Variants in DRC8 observed in about 807,000 individuals in gnomAD.
DRC8 encodes the protein dynein regulatory complex subunit 8.
the DRC8 span, among the ~76,000 whole-genome samples, chr1:244,981,431 C>A: frequency 1.3e-5 from 2 of 152,158 alleles, no homozygotes; most frequent in African/African-American, 2.4e-5. Flanking sequence ...TTATAGAGCA[C>A]TTACTCTGAA....
chr1:245,060,735 T>C, the DRC8 span, among the ~76,000 whole-genome samples: 6 of 152,352 alleles, frequency 3.9e-5, no homozygotes, highest in African/African-American at 1.4e-4. Context: ...CTCAGGATAG[T>C]AAGTGAAGCA....
At chr1:245,052,208 G>A in the DRC8 span, among the ~76,000 whole-genome samples, 1 of 152,234 alleles carries the variant, frequency 6.6e-6, no homozygotes, top group Admixed American at 6.5e-5. Context: ...CAGATTTGAT[G>A]TTGGATGGGG....
the DRC8 span, among the ~76,000 whole-genome samples, chr1:245,018,260 A>G: frequency 6.7e-6 from 1 of 150,346 alleles, no homozygotes; most frequent in East Asian, 1.9e-4. Context: ...CAATGAAACC[A>G]TCCTTTCAGG....
chr1:245,000,510 G>GAATGTGTCTTCA, the DRC8 span, among the ~76,000 whole-genome samples: 3 of 151,968 alleles, frequency 2.0e-5, no homozygotes, highest in Non-Finnish European at 4.4e-5. Flanking sequence ...GGCCAGGCAC[G>GAATGTGTCTTCA]GTGGTTCAAG....
the DRC8 span, among the ~76,000 whole-genome samples, chr1:245,043,133 A>T: frequency 6.6e-6 from 1 of 152,218 alleles, no homozygotes; most frequent in Non-Finnish European, 1.5e-5. Flanking sequence ...CTACGTTGAC[A>T]AAAGAAATCG....
At chr1:245,104,964 C>A in the DRC8 span, among the ~76,000 whole-genome samples, 1 of 152,170 alleles carries the variant, frequency 6.6e-6, no homozygotes, top group African/African-American at 2.4e-5. Flanking sequence ...TCTTGTCTTT[C>A]ATTTGTTGAA....
the DRC8 span, among the ~76,000 whole-genome samples, chr1:244,997,920 C>A: frequency 6.6e-6 from 1 of 152,022 alleles, no homozygotes; most frequent in Non-Finnish European, 1.5e-5. Context: ...GTAGCTTATC[C>A]CTTGTTTATC....
At chr1:245,105,096 A>C in the DRC8 span, among the ~76,000 whole-genome samples, 1 of 152,188 alleles carries the variant, frequency 6.6e-6, no homozygotes, top group Non-Finnish European at 1.5e-5. Context: ...TTTTATATCT[A>C]GAGGCTCGAT....
At chr1:245,105,819 A>G in the DRC8 span, among the ~76,000 whole-genome samples, 1 of 152,194 alleles carries the variant, frequency 6.6e-6, no homozygotes, top group Admixed American at 6.5e-5. Flanking sequence ...GCTCACGCCC[A>G]TAATCCCAAC....
chr1:245,034,704 A>G, the DRC8 span, among the ~76,000 whole-genome samples: 3 of 151,882 alleles, frequency 2.0e-5, no homozygotes, highest in African/African-American at 7.2e-5. Context: ...ATATAAAGAA[A>G]AATGAAAGCA....
At chr1:245,106,031 C>G in the DRC8 span, among the ~76,000 whole-genome samples, 4,048 of 152,250 alleles carry the variant, frequency 0.027, 215 homozygotes, top group African/African-American at 0.091. Context: ...GTATTGCACT[C>G]CAGCCTGGAC....
At chr1:245,100,538 T>C in the DRC8 span, among the ~76,000 whole-genome samples, 11 of 152,198 alleles carry the variant, frequency 7.2e-5, no homozygotes, top group East Asian at 1.7e-3. Flanking sequence ...CTCAGCACTT[T>C]GAGAGGCTGA....
the DRC8 span, among the ~76,000 whole-genome samples, chr1:245,111,218 T>C: frequency 1.1e-3 from 173 of 152,296 alleles, no homozygotes; most frequent in Non-Finnish European, 1.9e-3. Context: ...GACCTCCTCC[T>C]CCTTTCTTCA....
At chr1:245,063,655 A>G in the DRC8 span, among the ~76,000 whole-genome samples, 1 of 152,166 alleles carries the variant, frequency 6.6e-6, no homozygotes, top group East Asian at 1.9e-4. Context: ...AGGTGAGAGG[A>G]TTGCTTGAGC....
At chr1:245,088,024 T>C in the DRC8 span, among the ~76,000 whole-genome samples, 1 of 152,178 alleles carries the variant, frequency 6.6e-6, no homozygotes, top group Non-Finnish European at 1.5e-5. This position sits in a 1 kb window ranked among gnomAD's most constrained non-coding sequence, Gnocchi z 4.6. Context: ...TCTCCCTTTG[T>C]CTTTAGAATT....
chr1:245,108,422 G>A, the DRC8 span, among the ~76,000 whole-genome samples: 39 of 152,128 alleles, frequency 2.6e-4, no homozygotes, highest in African/African-American at 8.7e-4. Context: ...CATTGTTTCC[G>A]GGTTATCCCT....
chr1:245,095,987 T>A, the DRC8 span, among the ~76,000 whole-genome samples: 21 of 152,208 alleles, frequency 1.4e-4, no homozygotes, highest in Non-Finnish European at 2.6e-4. Context: ...CATTGATCTT[T>A]TAAAAATTTG....
the DRC8 span, chr1:244,970,434 G>A: frequency 1.7e-4 from 259 of 1,535,132 alleles, no homozygotes; most frequent in Middle Eastern, 3.5e-4. Flanking sequence ...GGACGAGAAG[G>A]ACAGGGAAGG....
At chr1:244,987,522 G>A in the DRC8 span, among the ~76,000 whole-genome samples, 336 of 151,848 alleles carry the variant, frequency 2.2e-3, 1 homozygote, top group African/African-American at 7.5e-3. Flanking sequence ...TAAGCCTAGT[G>A]TTTTGGTGGT....
Sources: gnomAD v4.1 joint callset for allele counts (sites outside exome capture counted in the v4.1 genomes callset) on GRCh38, gnomAD v4.1.1 for gene constraint, Gnocchi (gnomAD v3.1) non-coding constraint, MANE v1.5 for transcripts, NCBI Gene and HGNC (gene_info 2026-07-23, HGNC 2026-07-21) for gene names.